TRIP12: variants seen among roughly 807,000 people sequenced by gnomAD.
TRIP12 encodes the protein thyroid hormone receptor interactor 12, also known as E3 ubiquitin-protein ligase TRIP12.
A neutral mutation model predicts 244.2 loss-of-function variants in TRIP12; 25 were observed. The observed-to-expected ratio is 0.10, with a 90% CI of 0.07 to 0.14. The LOEUF is 0.14. Among genes scored for constraint, TRIP12 ranks in the 10% least tolerant of loss-of-function variants. The probability of loss-of-function intolerance (pLI) is 1.00; values close to 1 mark genes in which losing one functional copy is unlikely to be tolerated. For missense variants in TRIP12, 1,677 were observed against 2,486.4 expected, an observed-to-expected ratio of 0.67 and a Z score of 6.92; for synonymous variants, 905 against 873.1, an observed-to-expected ratio of 1.04 and a Z score of -0.64.
intron 1 of TRIP12, among the ~76,000 whole-genome samples, chr2:229,903,398 T>C (rs2071646344): frequency 6.6e-6 from 1 of 152,132 alleles, no homozygotes; most frequent in South Asian, 2.1e-4. Flanking sequence ...AAAAAGGAAT[T>C]ATTATGGATA....
chr2:229,829,339 T>C, intron 7 of TRIP12, 51 bp from the exon 8 acceptor site: 2 of 1,450,010 alleles, frequency 1.4e-6, no homozygotes, highest in Non-Finnish European at 1.9e-6. Flanking sequence ...TTCATGCAAC[T>C]GATGTATCTA....
chr2:229,905,753 G>A (rs1441543007), intron 1 of TRIP12, among the ~76,000 whole-genome samples: 2 of 152,164 alleles, frequency 1.3e-5, no homozygotes, highest in African/African-American at 2.4e-5. Flanking sequence ...GGAGGAGGGT[G>A]TAGCTCACAG....
Position 229,805,856 on chromosome 2 carries a change from T to C in TRIP12, c.2524A>G (p.Ile842Val), listed in dbSNP as rs774055757. ...ACTCGTCCCAGAGTGGACAAGCTTA[T>C]CTCATCCTCACCGACCTGATGGGCT... Reference protein sequence around the residue: ...EAAHQVGEDEISLSTLGRVYT... With the variant: ...EAAHQVGEDEVSLSTLGRVYT... The change falls in exon 18 of 42, where the codon ATA (isoleucine) becomes GTA (valine). Residue 842 changes from isoleucine (I) to valine (V), a missense_variant. Ile to Val is a conservative substitution (Grantham distance 29). Coordinates refer to ENST00000675903, the MANE Select transcript of TRIP12 (RefSeq NM_001348323.3). The C allele has an allele frequency of 6.3e-7, 1 of 1,593,986 alleles. No individual in the cohort carries two copies. Among genetic ancestry groups the C allele is most frequent in the Non-Finnish European group, 8.6e-7 (1 of 1,165,206 alleles).
At chr2:229,791,320 C>G in intron 29 of TRIP12, 69 bp from the exon 30 acceptor site, 6 of 1,514,154 alleles carry the variant, frequency 4.0e-6, no homozygotes, top group Non-Finnish European at 4.6e-6. Context: ...AAATCTAAGC[C>G]ACAGACACCA....
At chr2:229,918,738 C>A (rs2075963229) in intron 1 of TRIP12, among the ~76,000 whole-genome samples, 1 of 152,192 alleles carries the variant, frequency 6.6e-6, no homozygotes. Context: ...TAACTCTGTA[C>A]CTTCAACCTA....
At chr2:229,819,040 CCACACACACACACACACACACACACACA>C (rs370625320) in intron 8 of TRIP12, among the ~76,000 whole-genome samples, 2 of 133,962 alleles carry the variant, frequency 1.5e-5, no homozygotes, top group African/African-American at 2.9e-5. Context: ...AAAATAAAAA[CCACACACACACACACACACACACACACA>C]CACACACACA....
At chr2:229,912,439 T>A (rs1423108984) in intron 1 of TRIP12, among the ~76,000 whole-genome samples, 1 of 152,204 alleles carries the variant, frequency 6.6e-6, no homozygotes, top group Non-Finnish European at 1.5e-5. Context: ...TTTAAGAACT[T>A]CAATAATCTC....
intron 32 of TRIP12, among the ~76,000 whole-genome samples, chr2:229,788,007 T>C (rs1425413196): frequency 6.6e-6 from 1 of 152,148 alleles, no homozygotes; most frequent in African/African-American, 2.4e-5. Flanking sequence ...TTCACCATGT[T>C]GGCCAGGCTG....
At position 229,807,295 on chromosome 2, in the gene TRIP12, G is replaced by A. The variant is rs142628343; in HGVS notation, c.2496+413C>T. The A allele has an allele frequency of 6.7e-5, 14 of 210,514 alleles. No homozygotes were observed. In the East Asian group the frequency reaches 1.7e-3, roughly 26 times the overall value. 13.0% of individuals were successfully genotyped at this position (210,514 alleles called of 1,614,324 possible). A position where few individuals can be genotyped will look rare whatever the true frequency, so the allele number is the denominator to read the frequency against. ...TTACTTAACTATTTACCCAGAACTGGCTATTTCATTTGTTTCCACGTTTCT... is the reference window on the plus strand; with the variant it reads ...TTACTTAACTATTTACCCAGAACTGACTATTTCATTTGTTTCCACGTTTCT... On this transcript the variant is annotated intron_variant, in intron 17 of 41. Coordinates refer to ENST00000675903, the MANE Select transcript of TRIP12 (RefSeq NM_001348323.3).
Position 229,765,284 on chromosome 2 carries a change from T to C in TRIP12, c.*2270A>G, listed in dbSNP as rs2031415244. The C allele has an allele frequency of 6.6e-6, 1 of 152,186 alleles. No homozygotes were observed. Among genetic ancestry groups the C allele is most frequent in the Admixed American group, 6.5e-5 (1 of 15,272 alleles). The allele number at this position is 152,186 out of a possible 1,614,324, so 9.4% of individuals were successfully genotyped here. A position where few individuals can be genotyped will look rare whatever the true frequency, so the allele number is the denominator to read the frequency against. On this transcript the variant is annotated 3_prime_UTR_variant, in exon 42 of 42. Coordinates refer to ENST00000675903, the MANE Select transcript of TRIP12 (RefSeq NM_001348323.3). ...ATACTAAGAAGTTAGTGCTCGTTGA[T>C]AGGATTACCAAGCAAATGAATTTAA...
At chr2:229,867,171 G>GTTTTTTTTTTTTTTTTT (rs11335613) in intron 2 of TRIP12, among the ~76,000 whole-genome samples, 1 of 123,536 alleles carries the variant, frequency 8.1e-6, no homozygotes. Context: ...TTGTTTGTTT[G>GTTTTTTTTTTTTTTTTT]TTTTTTTTTT....
intron 4 of TRIP12, among the ~76,000 whole-genome samples, chr2:229,841,390 C>G (rs1357213137): frequency 6.6e-6 from 1 of 152,148 alleles, no homozygotes; most frequent in African/African-American, 2.4e-5. Flanking sequence ...TACCACCCAT[C>G]AGAAAGGTAC....
At chr2:229,775,399 A>G (rs2035896599) in intron 37 of TRIP12, among the ~76,000 whole-genome samples, 1 of 151,494 alleles carries the variant, frequency 6.6e-6, no homozygotes, top group Non-Finnish European at 1.5e-5. Flanking sequence ...AAAAAAAAAA[A>G]AAAAGAAAGT....
intron 15 of TRIP12, among the ~76,000 whole-genome samples, chr2:229,809,198 C>G (rs2046638975): frequency 6.6e-6 from 1 of 152,000 alleles, no homozygotes; most frequent in South Asian, 2.1e-4. Flanking sequence ...AGTGAACTGC[C>G]TGCCACACAG....
intron 2 of TRIP12, among the ~76,000 whole-genome samples, chr2:229,877,872 C>G (rs2063922686): frequency 6.6e-6 from 1 of 152,106 alleles, no homozygotes; most frequent in South Asian, 2.1e-4. Flanking sequence ...TCAAAATAAT[C>G]TAAAATGAAC....
At chr2:229,772,146 T>C (rs563924303) in intron 38 of TRIP12, among the ~76,000 whole-genome samples, 1 of 152,328 alleles carries the variant, frequency 6.6e-6, no homozygotes, top group South Asian at 2.1e-4. Context: ...TCACATGCAA[T>C]TGAAGGGTAA....
chr2:229,830,710 G>C, intron 7 of TRIP12, 46 bp downstream of exon 7: 1 of 1,504,190 alleles, frequency 6.6e-7, no homozygotes, highest in Middle Eastern at 1.7e-4. Flanking sequence ...GTATTAACAG[G>C]TAGCTCATGG....
At chr2:229,850,910 C>G (rs1381336792) in intron 4 of TRIP12, among the ~76,000 whole-genome samples, 2 of 152,224 alleles carry the variant, frequency 1.3e-5, no homozygotes, top group African/African-American at 2.4e-5. Context: ...GCCAGACCAC[C>G]GGCGCTGCAC....
chr2:229,893,716 T>C (rs558881097), intron 1 of TRIP12, among the ~76,000 whole-genome samples: 16 of 152,310 alleles, frequency 1.1e-4, no homozygotes, highest in African/African-American at 3.6e-4. Context: ...TGGACTAAGT[T>C]TTGCCCGTTA....
Sources: allele counts gnomAD v4.1 joint callset (sites outside exome capture counted in the v4.1 genomes callset), GRCh38; gene constraint gnomAD v4.1.1; transcripts MANE v1.5; gene names NCBI Gene and HGNC (gene_info 2026-07-23, HGNC 2026-07-21).